Variants in MAJIN observed in about 807,000 individuals in gnomAD.
MAJIN encodes the protein membrane anchored junction protein.
A neutral mutation model predicts 30.2 loss-of-function variants in MAJIN; 27 were observed. That is an observed-to-expected ratio of 0.89 (90% CI 0.66 to 1.23). The LOEUF (loss-of-function observed/expected upper bound fraction) is 1.23. Among genes scored for constraint, MAJIN ranks in the 50% most tolerant of loss-of-function variants. The pLI is 0.00. For missense variants in MAJIN, 253 were observed against 260.3 expected (o/e 0.97, Z 0.19); for synonymous variants, 78 against 91.6 (o/e 0.85, Z 0.85).
chr11:64,950,540 T>A, intron 4 of MAJIN, 110 bp from the exon 5 acceptor site: 1 of 884,182 alleles, frequency 1.1e-6, no homozygotes, highest in Non-Finnish European at 1.8e-6. Flanking sequence ...CTGAACTATT[T>A]GCTGTTCCTT....
At position 64,939,722 on chromosome 11, in the gene MAJIN, A is replaced by G; in HGVS notation, c.592T>C (p.Cys198Arg). ...TACQGELSHP[C>R]STTHLHLRSE... ...CTTAGGTGGAGGTGAGTTGTGCTGC[A>G]GGGGTGGGACAATTCGCCCTGGCAG... The change falls in exon 10 of 11, where the codon TGC (cysteine) becomes CGC (arginine). Residue 198 changes from cysteine to arginine, a missense_variant. Physicochemically the swap from Cys to Arg is radical, Grantham distance 180. Transcript: ENST00000301896. 1 of 1,614,090 alleles carries G rather than the reference A, an allele frequency of 6.2e-7. No homozygotes were observed. Among genetic ancestry groups the G allele is most frequent in the East Asian group, 2.2e-5 (1 of 44,880 alleles).
At chr11:64,956,515 C>T (rs1945634882) in intron 3 of MAJIN, among the ~76,000 whole-genome samples, 4 of 151,456 alleles carry the variant, frequency 2.6e-5, no homozygotes, top group Admixed American at 2.6e-4. Context: ...CAAAAATCAT[C>T]CTAGGTCAAA....
intron 1 of MAJIN, among the ~76,000 whole-genome samples, chr11:64,968,310 G>A (rs544719992): frequency 4.6e-5 from 7 of 151,942 alleles, no homozygotes; most frequent in South Asian, 2.1e-4. Flanking sequence ...TCTCTCTGGC[G>A]CCCAGGCTGG....
intron 4 of MAJIN, among the ~76,000 whole-genome samples, chr11:64,953,424 T>G (rs1945585044): frequency 6.6e-6 from 1 of 152,186 alleles, no homozygotes; most frequent in Non-Finnish European, 1.5e-5. Context: ...TCCTCTCTGT[T>G]ATGCTTCCGT....
At chr11:64,966,291 C>T (rs577803054) in intron 1 of MAJIN, among the ~76,000 whole-genome samples, 1 of 152,128 alleles carries the variant, frequency 6.6e-6, no homozygotes, top group African/African-American at 2.4e-5. Context: ...TCTTAGCACT[C>T]TGGGAGTCCA....
At chr11:64,942,068 C>T (rs979766685) in intron 8 of MAJIN, among the ~76,000 whole-genome samples, 1 of 152,158 alleles carries the variant, frequency 6.6e-6, no homozygotes, top group Non-Finnish European at 1.5e-5. Flanking sequence ...AGGCCCACAA[C>T]ATTTTCCAGT....
At chr11:64,953,559 G>A (rs1242948911) in intron 4 of MAJIN, among the ~76,000 whole-genome samples, 7 of 152,160 alleles carry the variant, frequency 4.6e-5, no homozygotes, top group African/African-American at 1.7e-4. Flanking sequence ...TTGGGAGGCC[G>A]AGGCTGGTGG....
rs763220707 is a variant in MAJIN at position 64,940,625 on chromosome 11, G to T, written c.495C>A (p.Asn165Lys). ...GAGGCCAGAGTCTCCTGCAATCCTT[G>T]TTGGGTTTTTCTTTCCCTATTCTGT... ...GLDRIGKEKP[N>K]KDCRRLWPLI... Residue 165 changes from asparagine (N) to lysine (K), a missense_variant, in exon 9 of 11, where the codon AAC (asparagine) becomes AAA (lysine). Asn to Lys is a moderately conservative substitution (Grantham distance 94, BLOSUM62 0). Coordinates refer to ENST00000301896, the MANE Select transcript of MAJIN (RefSeq NM_001037225.3). The T allele has an allele frequency of 4.3e-6, 7 of 1,613,896 alleles. No individual in the cohort carries two copies. The African/African-American group carries it at 5.3e-5, about 12-fold the overall frequency.
intron 4 of MAJIN, among the ~76,000 whole-genome samples, chr11:64,952,594 T>C (rs1945570915): frequency 2.6e-5 from 4 of 152,100 alleles, no homozygotes; most frequent in Admixed American, 1.3e-4. Context: ...GGTGAAAAAA[T>C]GTAGTCTAGG....
At chr11:64,970,361 CTTTTTTTT>C (rs1196525730) in intron 1 of MAJIN, among the ~76,000 whole-genome samples, 8 of 66,058 alleles carry the variant, frequency 1.2e-4, no homozygotes, top group African/African-American at 2.3e-4. Flanking sequence ...AAGACTCCGT[CTTTTTTTT>C]TTTTTTTTTT....
chr11:64,965,873 G>A (rs535102690), intron 1 of MAJIN, among the ~76,000 whole-genome samples: 39 of 151,158 alleles, frequency 2.6e-4, no homozygotes, highest in African/African-American at 7.5e-4. Context: ...GGAGAATGGC[G>A]TGAACCCGGG....
chr11:64,955,243 T>C (rs1945613449), intron 3 of MAJIN, among the ~76,000 whole-genome samples: 1 of 151,970 alleles, frequency 6.6e-6, no homozygotes. Context: ...CACTAGGCTG[T>C]ACTATCAGTC....
chr11:64,946,578 G>A (rs1403831711), intron 8 of MAJIN, among the ~76,000 whole-genome samples: 1 of 152,112 alleles, frequency 6.6e-6, no homozygotes, highest in African/African-American at 2.4e-5. Context: ...CATCTGGAGA[G>A]CATGGGGTCA....
intron 9 of MAJIN, among the ~76,000 whole-genome samples, 162 bp downstream of exon 9, chr11:64,940,412 G>A (rs1328424037): frequency 1.3e-5 from 2 of 152,010 alleles, no homozygotes; most frequent in Non-Finnish European, 2.9e-5. Flanking sequence ...TCTAGGACAG[G>A]CCCCCAGACC....
chr11:64,953,233 G>A (rs2136769920), intron 4 of MAJIN, among the ~76,000 whole-genome samples: 1 of 152,208 alleles, frequency 6.6e-6, no homozygotes, highest in South Asian at 2.1e-4. Flanking sequence ...AACCTCATTT[G>A]ACAGGTAAGG....
intron 1 of MAJIN, among the ~76,000 whole-genome samples, chr11:64,968,407 A>T (rs937176146): frequency 3.3e-5 from 5 of 151,960 alleles, no homozygotes; most frequent in African/African-American, 1.2e-4. Context: ...AGTAGCTGGG[A>T]CTACAGGTGC....
chr11:64,948,345 T>C (rs950846012), intron 6 of MAJIN, among the ~76,000 whole-genome samples: 1 of 151,646 alleles, frequency 6.6e-6, no homozygotes, highest in Admixed American at 6.6e-5. Context: ...GGACGATCCT[T>C]ACTAAAAAAG....
rs1236312547 is a variant in MAJIN, at chr11:64,972,027, T to C, written c.-215A>G. ...GCGCCAACCTCGAACGAAGTCGTTT[T>C]GAGGGACTGGCTCGCCAGCTCCTAA... On this transcript the variant is annotated 5_prime_UTR_variant, in exon 1 of 11. Transcript: ENST00000301896. The C allele has an allele frequency of 6.6e-6, 1 of 152,246 alleles. No individual in the cohort carries two copies. The highest frequency in any genetic ancestry group is 6.5e-5 in the Admixed American group (1 of 15,288). The allele number at this position is 152,246 out of a possible 1,614,324, so 9.4% of individuals were successfully genotyped here. A position where few individuals can be genotyped will look rare whatever the true frequency, so the allele number is the denominator to read the frequency against.
chr11:64,959,810 A>C (rs589351), intron 2 of MAJIN, among the ~76,000 whole-genome samples: 74,830 of 152,034 alleles, frequency 0.49, 20,076 homozygotes, highest in Non-Finnish European at 0.62. Flanking sequence ...CTGGAATCTC[A>C]GTGGATACAG....
Sources: gnomAD v4.1 joint callset for allele counts (sites outside exome capture counted in the v4.1 genomes callset) on GRCh38, gnomAD v4.1.1 for gene constraint, MANE v1.5 for transcripts, NCBI Gene and HGNC (gene_info 2026-07-23, HGNC 2026-07-21) for gene names.